The following JPH2 variants were observed in gnomAD, a reference collection of about 807,000 sequenced individuals.
JPH2 encodes the protein junctophilin 2, also known as junctophilin-2.
In JPH2, 38 loss-of-function variants were observed where a neutral mutation model predicts 55.9. That is an observed-to-expected ratio of 0.68 (90% CI 0.52 to 0.89). JPH2 has a LOEUF of 0.89. JPH2 is among the 40% of genes least tolerant of loss of function. The pLI is 0.00. For synonymous variants in JPH2, 480 were observed against 472.4 expected, an observed-to-expected ratio of 1.02 and a Z score of -0.21; for missense variants, 964 against 1,037.6, an observed-to-expected ratio of 0.93 and a Z score of 0.97.
At chr20:44,169,295 G>T (rs2072680053) in intron 1 of JPH2, among the ~76,000 whole-genome samples, 1 of 151,352 alleles carries the variant, frequency 6.6e-6, no homozygotes, top group Non-Finnish European at 1.5e-5. Context: ...TCCTGCCTCA[G>T]CCTCCCAAGT....
In JPH2 at chr20:44,107,741, CCT is replaced by C. The variant is rs2072116761; in HGVS notation, c.*5775_*5776del. Reference sequence around the variant, plus strand: ...ATATAGAGATGAATCACAGATAGCCCCTCTCTTAAGGAACTCAGTCTAGTGGA... The same window carrying C: ...ATATAGAGATGAATCACAGATAGCCCCTCTTAAGGAACTCAGTCTAGTGGA... On this transcript the variant is annotated 3_prime_UTR_variant, in exon 6 of 6. Transcript: ENST00000372980. 1.3e-5 allele frequency among the ~76,000 whole-genome samples: 2 copies of C among 152,162 alleles called. No homozygotes were observed. Among genetic ancestry groups the C allele is most frequent in the Admixed American group, 6.5e-5 (1 of 15,282 alleles).
rs1273345032 is a variant in JPH2 at position 44,108,187 on chromosome 20, A to C, written c.*5331T>G. On this transcript the variant is annotated 3_prime_UTR_variant, in exon 6 of 6. Transcript: ENST00000372980. ...TCCCTGGTTGGCCATACTTTGTCAT[A>C]CTGTTACTTATCAATGCTGGCAAGG... is the stretch of plus-strand genomic sequence containing the variant. 2.6e-5 allele frequency among the ~76,000 whole-genome samples: 4 copies of C among 152,204 alleles called. No homozygotes were observed. The highest frequency in any genetic ancestry group is 5.9e-5 in the Non-Finnish European group (4 of 68,034).
intron 1 of JPH2, among the ~76,000 whole-genome samples, chr20:44,170,085 C>T (rs1264465167): frequency 1.3e-5 from 2 of 152,210 alleles, no homozygotes; most frequent in African/African-American, 4.8e-5. Context: ...CACTGGAGAA[C>T]TGAACAGAGA....
rs1026714361 is a variant in JPH2, at chr20:44,115,693, G to T, written c.1982C>A (p.Ala661Glu). 1.9e-6 allele frequency: 3 copies of T among 1,612,926 alleles called. No individual in the cohort carries two copies. Among genetic ancestry groups the T allele is most frequent in the Non-Finnish European group, 2.5e-6 (3 of 1,180,024 alleles). ...TTCCACCTCCACCTCCGCCTCTGCCGCCAGTGCGGCCTCCTTCCGCGCCTT... is the reference window on the plus strand; with the variant it reads ...TTCCACCTCCACCTCCGCCTCTGCCTCCAGTGCGGCCTCCTTCCGCGCCTT... ...KKKARKEAALAAEAEVEVEEV... is the reference protein window; with the variant it reads ...KKKARKEAALEAEAEVEVEEV... Residue 661 changes from alanine (A) to glutamate (E), a missense_variant, in exon 4 of 6, where the codon GCG becomes GAG. By Grantham distance (107) the Ala-to-Glu change is moderately radical (BLOSUM62 -1). Coordinates refer to ENST00000372980, the MANE Select transcript of JPH2 (RefSeq NM_020433.5).
intron 4 of JPH2, among the ~76,000 whole-genome samples, chr20:44,115,378 G>T (rs1600828415): frequency 2.6e-5 from 4 of 152,086 alleles, no homozygotes; most frequent in African/African-American, 9.7e-5. Context: ...CCCTCCAGCT[G>T]CTCAGGCTCC....
At chr20:44,114,497 G>A (rs899187039) in intron 5 of JPH2, among the ~76,000 whole-genome samples, 2 of 152,062 alleles carry the variant, frequency 1.3e-5, no homozygotes, top group African/African-American at 4.8e-5. Flanking sequence ...AAATGAATGA[G>A]TGAATGAAGC....
intron 2 of JPH2, among the ~76,000 whole-genome samples, chr20:44,141,584 C>G (rs2072456758): frequency 6.6e-6 from 1 of 152,110 alleles, no homozygotes; most frequent in Non-Finnish European, 1.5e-5. Flanking sequence ...TCATAGCTCA[C>G]TGAAGCCTTG....
intron 2 of JPH2, among the ~76,000 whole-genome samples, chr20:44,149,213 C>G (rs1026291459): frequency 1.6e-4 from 24 of 152,146 alleles, no homozygotes; most frequent in African/African-American, 5.8e-4. Context: ...CCCAGTGGCT[C>G]TGCCATGTTT....
chr20:44,132,427 C>A (rs1178293532), intron 2 of JPH2, among the ~76,000 whole-genome samples: 1 of 147,012 alleles, frequency 6.8e-6, no homozygotes, highest in African/African-American at 2.5e-5. Flanking sequence ...TTTCCTTTGG[C>A]CCCATCTCCC....
chr20:44,116,324 C>G lies in JPH2; in HGVS notation c.1351G>C (p.Glu451Gln), dbSNP rs1477771760. The change falls in exon 4 of 6, where the codon GAG becomes CAG. Residue 451 changes from glutamate (E) to glutamine (Q), a missense_variant. Transcript: ENST00000372980. ...EILENSESLL[E>Q]PPDRGAGAAG... Reference sequence around the variant, plus strand: ...GCGCCGGCGCCCCGGTCGGGGGGCTCCAGCAGGCTCTCCGAGTTCTCCAGG... The same window carrying G: ...GCGCCGGCGCCCCGGTCGGGGGGCTGCAGCAGGCTCTCCGAGTTCTCCAGG... 6.5e-7 allele frequency: 1 copy of G among 1,545,204 alleles called. No homozygotes were observed.
chr20:44,121,490 C>T (rs962832972), intron 2 of JPH2, among the ~76,000 whole-genome samples: 2 of 152,218 alleles, frequency 1.3e-5, no homozygotes, highest in African/African-American at 4.8e-5. Context: ...TAGTGTTTAC[C>T]GGTCCCTACT....
intron 1 of JPH2, among the ~76,000 whole-genome samples, chr20:44,165,303 CA>C (rs796812111): frequency 1.4e-5 from 2 of 145,334 alleles, no homozygotes; most frequent in African/African-American, 2.5e-5. Flanking sequence ...AAAAAAAAAA[CA>C]AAAAAAACAA....
chr20:44,153,962 C>T (rs2072548822), intron 2 of JPH2, among the ~76,000 whole-genome samples: 2 of 152,152 alleles, frequency 1.3e-5, no homozygotes, highest in Non-Finnish European at 2.9e-5. Context: ...CTTTAGGCGC[C>T]TCCCCAAACA....
At chr20:44,122,697 C>A (rs184411109) in intron 2 of JPH2, among the ~76,000 whole-genome samples, 1 of 152,038 alleles carries the variant, frequency 6.6e-6, no homozygotes, top group Non-Finnish European at 1.5e-5. Flanking sequence ...AGAGGCAACG[C>A]GTGAAAGTGT....
chr20:44,148,917 A>G (rs1195558278), intron 2 of JPH2, among the ~76,000 whole-genome samples: 3 of 151,862 alleles, frequency 2.0e-5, no homozygotes, highest in East Asian at 3.9e-4. Flanking sequence ...TACAAAAACA[A>G]TTAGCTGGGT....
At position 44,111,504 on chromosome 20, in the gene JPH2, T is replaced by G. The variant is rs897164545; in HGVS notation, c.*2014A>C. Reference sequence around the variant, plus strand: ...CATAGAAGTTTCTGGAAGTTTGCTTTAGAAACTCCACTGTAGAAGCTCTAT... The same window carrying G: ...CATAGAAGTTTCTGGAAGTTTGCTTGAGAAACTCCACTGTAGAAGCTCTAT... On this transcript the variant is annotated 3_prime_UTR_variant, in exon 6 of 6. Coordinates refer to ENST00000372980, the MANE Select transcript of JPH2 (RefSeq NM_020433.5). 3.9e-5 allele frequency among the ~76,000 whole-genome samples: 6 copies of G among 152,192 alleles called. No homozygotes were observed. Among genetic ancestry groups the G allele is most frequent in the African/African-American group, 1.4e-4 (6 of 41,432 alleles).
rs6130540 is a variant in JPH2, at chr20:44,134,876, T to A, written c.1170-16253A>T. ...TAAATATATATATAAATATATATATTTATATATATATTAATATATATTTAT... is the reference window on the plus strand; with the variant it reads ...TAAATATATATATAAATATATATATATATATATATATTAATATATATTTAT... On this transcript the variant is annotated intron_variant, in intron 2 of 5. Coordinates refer to ENST00000372980, the MANE Select transcript of JPH2 (RefSeq NM_020433.5). 6.1e-3 allele frequency among the ~76,000 whole-genome samples: 379 copies of A among 62,072 alleles called. 1 individual carries two copies. The highest frequency in any genetic ancestry group is 9.8e-3 in the Non-Finnish European group (321 of 32,860). The allele number at this position is 62,072 out of a possible 152,430, so 40.7% of individuals were successfully genotyped here. A position where few individuals can be genotyped will look rare whatever the true frequency, so the allele number is the denominator to read the frequency against.
Position 44,130,324 on chromosome 20 carries a change from TC to T in JPH2, c.1170-11702del, listed in dbSNP as rs113367861. ...CTGTGGTTGCCTCAGCCCAGTCTTG[TC>T]CCCCAGGGATATCAAGAGGCCCCCG... is the stretch of plus-strand genomic sequence containing the variant. On this transcript the variant is annotated intron_variant, in intron 2 of 5. Transcript: ENST00000372980. Among the ~76,000 whole-genome samples the T allele has an allele frequency of 1.7e-3, 254 of 152,286 alleles. 1 individual carries two copies. The highest frequency in any genetic ancestry group is 5.8e-3 in the African/African-American group (241 of 41,554).
intron 2 of JPH2, among the ~76,000 whole-genome samples, chr20:44,141,062 A>G (rs2072453292): frequency 6.6e-6 from 1 of 152,174 alleles, no homozygotes; most frequent in Non-Finnish European, 1.5e-5. Flanking sequence ...AAGGGGCTAG[A>G]GATGTGGTGA....
Sources: allele counts gnomAD v4.1 joint callset (sites outside exome capture counted in the v4.1 genomes callset), GRCh38; gene constraint gnomAD v4.1.1; transcripts MANE v1.5; gene names NCBI Gene and HGNC (gene_info 2026-07-23, HGNC 2026-07-21).